The following MEP1B variants were observed in gnomAD, a reference collection of about 807,000 sequenced individuals.
MEP1B encodes the protein N-benzoyl-L-tyrosyl-P-amino-benzoic acid hydrolase subunit beta.
MEP1B carries 80 observed loss-of-function variants against 84.6 expected under a neutral mutation model. That is an observed-to-expected ratio of 0.95 (90% CI 0.79 to 1.14). MEP1B has a LOEUF of 1.14. Ranked by LOEUF, MEP1B falls within the 50% of genes most tolerant of loss-of-function variation. The probability of loss-of-function intolerance (pLI) is 0.00; values close to 1 mark genes in which losing one functional copy is unlikely to be tolerated. For synonymous variants in MEP1B, 273 were observed against 288.1 expected (o/e 0.95, Z 0.53); for missense variants, 766 against 855.1 (o/e 0.90, Z 1.30).
Position 32,196,876 on chromosome 18 carries a change from G to T in MEP1B, c.250+1391G>T. The stretch of plus-strand genomic sequence containing the variant: ...TACTTGCCCATGATGTAGTGGAGGC[G>T]GGCAAGGAGGCGCAGGCAGGCTCAG... On this transcript the variant is annotated intron_variant, in intron 5 of 14. Transcript: ENST00000269202. This position sits in a 1 kb window ranked among gnomAD's most constrained non-coding sequence, Gnocchi z 4.4. The T allele has an allele frequency of 2.1e-6, 1 of 485,298 alleles. No homozygotes were observed. Among genetic ancestry groups the T allele is most frequent in the Non-Finnish European group, 3.9e-6 (1 of 259,144 alleles). 30.1% of individuals were successfully genotyped at this position (485,298 alleles called of 1,614,324 possible).
Position 32,215,101 on chromosome 18 carries a change from G to T in MEP1B, c.1599G>T (p.Trp533Cys). The part of the protein sequence containing the change: ...FMTTDNGNYF[W>C]DRPSKVGTVA... ...TTTCAGATAATGGAAACTATTTCTG[G>T]GACAGGCCTTCTAAAGTGGGAACAG... Residue 533 changes from tryptophan to cysteine, a missense_variant, in exon 12 of 15, where the codon TGG (tryptophan) becomes TGT (cysteine). By Grantham distance (215) the Trp-to-Cys change is radical (BLOSUM62 -2). Coordinates refer to ENST00000269202, the MANE Select transcript of MEP1B (RefSeq NM_005925.3). The T allele has an allele frequency of 6.3e-7, 1 of 1,597,152 alleles. No individual in the cohort carries two copies. The highest frequency in any genetic ancestry group is 8.5e-7 in the Non-Finnish European group (1 of 1,171,682).
At chr18:32,190,972 C>A (rs1423944662) in intron 1 of MEP1B, among the ~76,000 whole-genome samples, 1 of 152,076 alleles carries the variant, frequency 6.6e-6, no homozygotes, top group Non-Finnish European at 1.5e-5. Context: ...TAAAATTGTA[C>A]TTTACACTTT....
chr18:32,216,756 G>A (rs1266678024), intron 12 of MEP1B, among the ~76,000 whole-genome samples: 2 of 152,070 alleles, frequency 1.3e-5, no homozygotes, highest in African/African-American at 4.8e-5. Context: ...TTAAGATTGG[G>A]CTTGGCATCA....
chr18:32,215,264 A>G lies in MEP1B; in HGVS notation c.1759+3A>G, dbSNP rs902403383. 3 of 1,548,002 alleles carry G rather than the reference A, an allele frequency of 1.9e-6. No homozygotes were observed. Among genetic ancestry groups the G allele is most frequent in the Middle Eastern group, 3.5e-4 (2 of 5,778 alleles). On this transcript the variant is annotated splice_donor_region_variant and intron_variant, in intron 12 of 14. Transcript: ENST00000269202. ...TTATATCCTACTGACAGTGGAAGGT[A>G]TGTCAATAAAAATAGTTTTATATAA... is the stretch of plus-strand genomic sequence containing the variant.
chr18:32,192,008 A>G (rs1032152798), intron 2 of MEP1B, among the ~76,000 whole-genome samples, 168 bp downstream of exon 2: 3 of 152,054 alleles, frequency 2.0e-5, no homozygotes, highest in African/African-American at 7.2e-5. Context: ...TCCATGTTCC[A>G]GGCTTCATAT....
Position 32,217,802 on chromosome 18 carries a change from G to A in MEP1B, c.1928G>A (p.Cys643Tyr), listed in dbSNP as rs745943731. 2 of 1,613,566 alleles carry A rather than the reference G, an allele frequency of 1.2e-6. No individual in the cohort carries two copies. The highest frequency in any genetic ancestry group is 2.7e-5 in the African/African-American group (2 of 74,816). Reference sequence around the variant, plus strand: ...GACTGGTGGTACATGGGAGAAAGGTGTGAAAAGAGAGGCTCCACCCGAGAC... The same window carrying A: ...GACTGGTGGTACATGGGAGAAAGGTATGAAAAGAGAGGCTCCACCCGAGAC... ...GEDWWYMGER[C>Y]EKRGSTRDTI... Residue 643 changes from cysteine (C) to tyrosine (Y), a missense_variant, in exon 14 of 15, where the codon TGT becomes TAT. Physicochemically the swap from Cys to Tyr is radical, Grantham distance 194. Transcript: ENST00000269202.
chr18:32,210,700 T>C lies in MEP1B; in HGVS notation c.1119T>C (p.Leu373=), dbSNP rs2041017418. The C allele has an allele frequency of 1.9e-6, 3 of 1,613,140 alleles. No homozygotes were observed. The highest frequency in any genetic ancestry group is 2.2e-5 in the South Asian group (2 of 91,042). The change falls in exon 10 of 15, where the codon CTT becomes CTC. Residue 373 remains leucine, a synonymous_variant. Coordinates refer to ENST00000269202, the MANE Select transcript of MEP1B (RefSeq NM_005925.3). ...ACAATGTGGATGGCAATTTAACCCTTGTGGAAGAAATAAAAGGTACAATGT... is the reference window on the plus strand; with the variant it reads ...ACAATGTGGATGGCAATTTAACCCTCGTGGAAGAAATAAAAGGTACAATGT... ...SADNVDGNLT[L]VEEIKEIPTG... is the part of the protein sequence containing the mutation.
intron 8 of MEP1B, 102 bp downstream of exon 8, chr18:32,207,572 T>C: frequency 1.3e-6 from 1 of 743,378 alleles, no homozygotes; most frequent in Non-Finnish European, 2.3e-6. Context: ...GTTTCTGCGA[T>C]TATAGAGATT....
intron 14 of MEP1B, among the ~76,000 whole-genome samples, chr18:32,219,074 C>T (rs1382383896): frequency 1.3e-5 from 2 of 152,018 alleles, no homozygotes; most frequent in Non-Finnish European, 2.9e-5. Flanking sequence ...CTACTGAAGC[C>T]AGTCAGAAAA....
rs1294442629 is a variant in MEP1B at position 32,213,201 on chromosome 18, C to T, written c.1221C>T (p.Gly407=). ...KFRVVFEGRK[G]SGASLGGLSI... ...GAGTGGTGTTTGAAGGACGCAAAGG[C>T]TCTGGTGCATCACTGGGTGGTCTGT... The change falls in exon 11 of 15, where the codon GGC becomes GGT. Residue 407 remains glycine (G), a synonymous_variant. Coordinates refer to ENST00000269202, the MANE Select transcript of MEP1B (RefSeq NM_005925.3). 3.1e-6 allele frequency: 5 copies of T among 1,613,994 alleles called. No individual in the cohort carries two copies. The highest frequency in any genetic ancestry group is 2.5e-6 in the Non-Finnish European group (3 of 1,179,870).
chr18:32,212,971 TG>T, intron 10 of MEP1B, 144 bp from the exon 11 acceptor site: 1 of 704,248 alleles, frequency 1.4e-6, no homozygotes, highest in Non-Finnish European at 2.3e-6. Flanking sequence ...AATTCTAGGC[TG>T]GAGCTTTGGC....
chr18:32,190,049 A>G lies in MEP1B; in HGVS notation c.-22A>G. 6.2e-7 allele frequency: 1 copy of G among 1,604,192 alleles called. No individual in the cohort carries two copies. The highest frequency in any genetic ancestry group is 1.1e-5 in the South Asian group (1 of 90,316). ...TCAACCCTGAATGTCATAGTTAGCT[A>G]CTTTCAACTGGAAGCTACAACATGG... On this transcript the variant is annotated 5_prime_UTR_variant, in exon 1 of 15. Coordinates refer to ENST00000269202, the MANE Select transcript of MEP1B (RefSeq NM_005925.3).
In MEP1B at chr18:32,207,439, TCTC is replaced by T; in HGVS notation, c.738_740del (p.Leu247del). The T allele has an allele frequency of 6.2e-7, 1 of 1,612,074 alleles. No individual in the cohort carries two copies. Among genetic ancestry groups the T allele is most frequent in the South Asian group, 1.1e-5 (1 of 90,668 alleles). The stretch of plus-strand genomic sequence containing the variant: ...AACGAATGGATTTCAGTGACTCTGA[TCTC>T]CTAAAGTTGAATCAACTGTATAACT... On this transcript the variant is annotated inframe_deletion, in exon 8 of 15. Coordinates refer to ENST00000269202, the MANE Select transcript of MEP1B (RefSeq NM_005925.3).
intron 4 of MEP1B, among the ~76,000 whole-genome samples, chr18:32,194,977 T>C (rs2040837965): frequency 6.6e-6 from 1 of 152,244 alleles, no homozygotes; most frequent in Non-Finnish European, 1.5e-5. Flanking sequence ...CATTTTCTAT[T>C]ATACAGTTTA....
chr18:32,213,405 A>G lies in MEP1B; in HGVS notation c.1425A>G (p.Ile475Met), dbSNP rs779108326. ...TAGCCCATGTGACTAATGCAGGGAT[A>G]TATTTCCACTTGATCTCTGGAGCCA... ...LNLAHVTNAG[I>M]YFHLISGAND... The change falls in exon 11 of 15, where the codon ATA becomes ATG. Residue 475 changes from isoleucine to methionine, a missense_variant. By Grantham distance (10) the Ile-to-Met change is conservative. Transcript: ENST00000269202. The G allele has an allele frequency of 6.2e-7, 1 of 1,613,954 alleles. No individual in the cohort carries two copies. The highest frequency in any genetic ancestry group is 1.1e-5 in the South Asian group (1 of 91,078).
chr18:32,202,323 T>C (rs541896459), intron 5 of MEP1B, among the ~76,000 whole-genome samples: 2 of 152,310 alleles, frequency 1.3e-5, no homozygotes, highest in South Asian at 2.1e-4. Flanking sequence ...GAGCTCCATA[T>C]CCATATCACT....
At chr18:32,202,788 G>A (rs1415553987) in intron 5 of MEP1B, 105 bp from the exon 6 acceptor site, 5 of 664,870 alleles carry the variant, frequency 7.5e-6, no homozygotes, top group Non-Finnish European at 1.3e-5. Context: ...TTCATGAAGG[G>A]ACTAACTCAT....
At position 32,196,675 on chromosome 18, in the gene MEP1B, A is replaced by C; in HGVS notation, c.250+1190A>C. The C allele has an allele frequency of 1.5e-6, 1 of 662,342 alleles. No individual in the cohort carries two copies. Among genetic ancestry groups the C allele is most frequent in the Non-Finnish European group, 2.8e-6 (1 of 362,630 alleles). The allele number at this position is 662,342 out of a possible 1,614,324, so 41.0% of individuals were successfully genotyped here. A position where few individuals can be genotyped will look rare whatever the true frequency, so the allele number is the denominator to read the frequency against. ...CCACCTCGGGGTGTCTTCCCCAAGCACCAGCGCATGAGGTAGTGGGCGCCC... is the reference window on the plus strand; with the variant it reads ...CCACCTCGGGGTGTCTTCCCCAAGCCCCAGCGCATGAGGTAGTGGGCGCCC... On this transcript the variant is annotated intron_variant, in intron 5 of 14. Transcript: ENST00000269202. The surrounding 1 kb of genome is among the most constrained non-coding windows in gnomAD (Gnocchi z 4.4).
intron 6 of MEP1B, among the ~76,000 whole-genome samples, chr18:32,203,490 T>C (rs1325450569): frequency 6.6e-6 from 1 of 152,176 alleles, no homozygotes; most frequent in Non-Finnish European, 1.5e-5. Flanking sequence ...TCAAAGACTT[T>C]GAAATTCACA....
Sources: allele counts gnomAD v4.1 joint callset (sites outside exome capture counted in the v4.1 genomes callset), GRCh38; gene constraint gnomAD v4.1.1; non-coding constraint Gnocchi (gnomAD v3.1); transcripts MANE v1.5; gene names NCBI Gene and HGNC (gene_info 2026-07-23, HGNC 2026-07-21).